FMO1: variants seen among roughly 807,000 people sequenced by gnomAD.
FMO1 encodes flavin containing dimethylaniline monoxygenase 1.
FMO1 carries 36 observed loss-of-function variants against 45.4 expected under a neutral mutation model. The ratio of observed to expected loss-of-function variants is 0.79; its 90% CI spans 0.61 to 1.05. The LOEUF is 1.05. FMO1 is among the 50% of genes least tolerant of loss of function. The pLI is 0.00. For synonymous variants in FMO1, 228 were observed against 227.2 expected, an observed-to-expected ratio of 1.00 and a Z score of -0.03; for missense variants, 615 against 640.3, an observed-to-expected ratio of 0.96 and a Z score of 0.43.
At chr1:171,260,374 A>G (rs1660325028) in intron 2 of FMO1, among the ~76,000 whole-genome samples, 1 of 152,160 alleles carries the variant, frequency 6.6e-6, no homozygotes, top group South Asian at 2.1e-4. Context: ...CCAAATTGAG[A>G]CACAATCCTG....
intron 2 of FMO1, among the ~76,000 whole-genome samples, chr1:171,261,321 GCA>G (rs71561567): frequency 4.1e-4 from 61 of 147,832 alleles, no homozygotes; most frequent in Middle Eastern, 3.5e-3. Flanking sequence ...ACACACACAG[GCA>G]CACACACACA....
intron 3 of FMO1, among the ~76,000 whole-genome samples, chr1:171,274,968 T>C (rs1465179410): frequency 6.6e-6 from 1 of 152,250 alleles, no homozygotes. Flanking sequence ...AATTATATCT[T>C]ACCCATGTAT....
chr1:171,272,149 C>T (rs868331619), intron 3 of FMO1, among the ~76,000 whole-genome samples: 1 of 152,220 alleles, frequency 6.6e-6, no homozygotes, highest in South Asian at 2.1e-4. Flanking sequence ...CTAAAAGGGG[C>T]CAACATAGAG....
At chr1:171,281,169 C>T (rs562659805) in intron 6 of FMO1, among the ~76,000 whole-genome samples, 184 bp downstream of exon 6, 1 of 152,178 alleles carries the variant, frequency 6.6e-6, no homozygotes, top group African/African-American at 2.4e-5. Flanking sequence ...ATGTATTTCA[C>T]CTTGTCAGCA....
intron 8 of FMO1, among the ~76,000 whole-genome samples, chr1:171,284,754 AAAAAG>A (rs1345733107): frequency 1.3e-5 from 2 of 151,546 alleles, no homozygotes. Flanking sequence ...GAAAAAAGAA[AAAAAG>A]AAAAGGAAAA....
rs1333403592 is a variant in FMO1, at chr1:171,275,415, C to T, written c.391C>T (p.His131Tyr). Reference sequence around the variant, plus strand: ...TGGCCAATGGGAGGTGGTCACTATGCATGAAGAGAAGCAAGAGTCAGCCAT... The same window carrying T: ...TGGCCAATGGGAGGTGGTCACTATGTATGAAGAGAAGCAAGAGTCAGCCAT... The part of the protein sequence containing the change: ...VSGQWEVVTM[H>Y]EEKQESAIFD... The change falls in exon 4 of 9, where the codon CAT becomes TAT. Residue 131 changes from histidine to tyrosine, a missense_variant. Physicochemically the swap from His to Tyr is moderately conservative, Grantham distance 83. Transcript: ENST00000617670. 3 of 1,613,326 alleles carry T rather than the reference C, an allele frequency of 1.9e-6. No individual in the cohort carries two copies. The highest frequency in any genetic ancestry group is 2.5e-6 in the Non-Finnish European group (3 of 1,179,404).
rs1171371817 is a variant in FMO1, at chr1:171,264,126, C to T, written c.133-3417C>T. Among the ~76,000 whole-genome samples the T allele has an allele frequency of 2.6e-5, 4 of 152,130 alleles. No individual in the cohort carries two copies. The East Asian group carries it at 5.8e-4, about 22-fold the overall frequency. Reference sequence around the variant, plus strand: ...AACAGGCTTCAGTGTTTCCTGGAAGCGCTTCATCTTTCTGCCTTGAAAATT... The same window carrying T: ...AACAGGCTTCAGTGTTTCCTGGAAGTGCTTCATCTTTCTGCCTTGAAAATT... On this transcript the variant is annotated intron_variant, in intron 2 of 8. Transcript: ENST00000617670.
chr1:171,254,722 T>C (rs899405898), intron 1 of FMO1, among the ~76,000 whole-genome samples: 1 of 152,194 alleles, frequency 6.6e-6, no homozygotes, highest in Non-Finnish European at 1.5e-5. Flanking sequence ...GCCCCTACTC[T>C]CAGTGCTCCC....
At chr1:171,279,903 T>C (rs545216552) in intron 5 of FMO1, among the ~76,000 whole-genome samples, 8 of 152,302 alleles carry the variant, frequency 5.3e-5, no homozygotes, top group Admixed American at 1.3e-4. Flanking sequence ...TTGCTCACGC[T>C]ACCCCTCTCT....
At chr1:171,274,763 A>G (rs977961833) in intron 3 of FMO1, among the ~76,000 whole-genome samples, 1 of 152,226 alleles carries the variant, frequency 6.6e-6, no homozygotes, top group African/African-American at 2.4e-5. Context: ...TTCCTGAACC[A>G]AAGCCTGGTA....
intron 3 of FMO1, chr1:171,270,727 G>A (rs116247537): frequency 2.5e-5 from 28 of 1,112,392 alleles, no homozygotes; most frequent in East Asian, 6.7e-5. Flanking sequence ...TTTACAACCC[G>A]CATACTGCAC....
chr1:171,257,396 G>C (rs1660205411), intron 1 of FMO1, among the ~76,000 whole-genome samples: 1 of 152,126 alleles, frequency 6.6e-6, no homozygotes, highest in Non-Finnish European at 1.5e-5. Flanking sequence ...CAATTGAGAA[G>C]GGAGGGATGG....
At chr1:171,268,993 GCTCT>G (rs1232951755) in intron 3 of FMO1, among the ~76,000 whole-genome samples, 1 of 152,244 alleles carries the variant, frequency 6.6e-6, no homozygotes, top group Admixed American at 6.5e-5. Flanking sequence ...CCCTGCACAA[GCTCT>G]CTCTCTGCTT....
rs1331377213 is a variant in FMO1 at position 171,285,435 on chromosome 1, A to G, written c.1490A>G (p.Lys497Arg). Residue 497 changes from lysine (K) to arginine (R), a missense_variant, in exon 9 of 9, where the codon AAG (lysine) becomes AGG (arginine). Transcript: ENST00000617670. ...AIMTQWDRTFKVIKARVVQES... is the reference protein window; with the variant it reads ...AIMTQWDRTFRVIKARVVQES... ...ATGACCCAGTGGGACCGAACATTCA[A>G]GGTCATCAAAGCTCGAGTTGTACAA... 5.0e-6 allele frequency: 8 copies of G among 1,605,940 alleles called. No homozygotes were observed. The highest frequency in any genetic ancestry group is 6.8e-6 in the Non-Finnish European group (8 of 1,176,612).
At position 171,285,389 on chromosome 1, in the gene FMO1, G is replaced by T; in HGVS notation, c.1444G>T (p.Glu482Ter). 1 of 1,613,720 alleles carries T rather than the reference G, an allele frequency of 6.2e-7. No homozygotes were observed. The change falls in exon 9 of 9, where the codon GAA (glutamate) becomes TAA (stop). Residue 482 changes from glutamate (E) to a stop codon, truncating the protein, a stop_gained. Transcript: ENST00000617670. LOFTEE classifies it low-confidence loss of function (END_TRUNC). ...CCGCTTGACTGGCCCAGGAAAATGG[G>T]AAGGAGCCAGAAATGCCATCATGAC... ...QFRLTGPGKW[E>*]GARNAIMTQW... is the part of the protein sequence containing the mutation.
chr1:171,260,800 T>G (rs1419350438), intron 2 of FMO1, among the ~76,000 whole-genome samples: 1 of 148,688 alleles, frequency 6.7e-6, no homozygotes. Context: ...CATGGTGGCA[T>G]GCACCTGTAA....
At chr1:171,268,733 C>T (rs1470312255) in intron 3 of FMO1, among the ~76,000 whole-genome samples, 1 of 152,082 alleles carries the variant, frequency 6.6e-6, no homozygotes, top group African/African-American at 2.4e-5. Context: ...GAATTATACA[C>T]AGAAAACAAC....
At chr1:171,270,843 A>G (rs2421804) in intron 3 of FMO1, 95,097 of 710,450 alleles carry the variant, frequency 0.13, 6,577 homozygotes, top group Admixed American at 0.19. Flanking sequence ...CAGTTTAAAA[A>G]CAAATCCTAC....
chr1:171,284,690 C>A (rs1661542864), intron 8 of FMO1, among the ~76,000 whole-genome samples: 1 of 149,022 alleles, frequency 6.7e-6, no homozygotes, highest in Non-Finnish European at 1.5e-5. Flanking sequence ...TATGATCATG[C>A]CACTGCACTC....
Sources: allele counts gnomAD v4.1 joint callset (sites outside exome capture counted in the v4.1 genomes callset), GRCh38; gene constraint gnomAD v4.1.1; transcripts MANE v1.5; gene names NCBI Gene and HGNC (gene_info 2026-07-23, HGNC 2026-07-21).